DLGAP2: variants seen among roughly 807,000 people sequenced by gnomAD.
DLGAP2 encodes the protein disks large-associated protein 2.
DLGAP2 carries 26 observed loss-of-function variants against 100.3 expected under a neutral mutation model. The ratio of observed to expected loss-of-function variants is 0.26; its 90% CI spans 0.19 to 0.36. The LOEUF (loss-of-function observed/expected upper bound fraction) is 0.36, where lower values mean the gene tolerates loss of function less well. Among genes scored for constraint, DLGAP2 ranks in the 10% least tolerant of loss-of-function variants. DLGAP2 has a pLI of 1.00. For missense variants in DLGAP2, 1,858 were observed against 1,453.2 expected (o/e 1.28, Z -4.53); for synonymous variants, 886 against 630.1 (o/e 1.41, Z -6.08).
At chr8:1,200,145 A>G (rs1319291845) in intron 2 of DLGAP2, among the ~76,000 whole-genome samples, 3 of 152,046 alleles carry the variant, frequency 2.0e-5, no homozygotes, top group Non-Finnish European at 2.9e-5. Context: ...GCACAGGCCC[A>G]CAGGAGAGGC....
intron 6 of DLGAP2, among the ~76,000 whole-genome samples, chr8:1,583,949 C>A (rs1796032445): frequency 6.6e-6 from 1 of 152,086 alleles, no homozygotes; most frequent in Admixed American, 6.5e-5. Flanking sequence ...TGCCGGTCAT[C>A]CTTCCATGCC....
chr8:1,360,850 CGG>C (rs1344755924), intron 3 of DLGAP2, among the ~76,000 whole-genome samples: 13 of 152,220 alleles, frequency 8.5e-5, no homozygotes, highest in African/African-American at 3.1e-4. Flanking sequence ...CTGCACACGA[CGG>C]TGAGATCCAG....
intron 2 of DLGAP2, among the ~76,000 whole-genome samples, chr8:1,112,797 A>T (rs1267370393): frequency 6.6e-6 from 1 of 152,104 alleles, no homozygotes; most frequent in Non-Finnish European, 1.5e-5. Context: ...ATTCAGGATG[A>T]TATTGCCTAG....
intron 2 of DLGAP2, among the ~76,000 whole-genome samples, chr8:1,166,376 G>A (rs962642223): frequency 2.0e-5 from 3 of 152,154 alleles, no homozygotes; most frequent in African/African-American, 7.2e-5. Context: ...TAACCAGGTT[G>A]ATCATTTAAT....
At chr8:856,109 C>T (rs1797270875) in intron 1 of DLGAP2, among the ~76,000 whole-genome samples, 1 of 151,226 alleles carries the variant, frequency 6.6e-6, no homozygotes, top group South Asian at 2.1e-4. Flanking sequence ...AATAAAAATG[C>T]ATTTGTCAAC....
At chr8:1,573,962 G>C (rs775705013) in intron 6 of DLGAP2, among the ~76,000 whole-genome samples, 2 of 152,132 alleles carry the variant, frequency 1.3e-5, no homozygotes, top group Non-Finnish European at 2.9e-5. Flanking sequence ...AAAGTGAGGT[G>C]CTCTCTAAAT....
intron 1 of DLGAP2, among the ~76,000 whole-genome samples, chr8:862,120 G>A (rs751034498): frequency 6.6e-6 from 1 of 152,020 alleles, no homozygotes; most frequent in Non-Finnish European, 1.5e-5. Flanking sequence ...TTTATGGTGG[G>A]GTCTCTTTTG....
At chr8:1,497,399 GA>G (rs1214883986) in intron 3 of DLGAP2, among the ~76,000 whole-genome samples, 1 of 152,206 alleles carries the variant, frequency 6.6e-6, no homozygotes, top group East Asian at 1.9e-4. Context: ...CGTGATTTCA[GA>G]ACGTCTCAGA....
At chr8:1,311,169 G>T (rs1800605527) in intron 3 of DLGAP2, among the ~76,000 whole-genome samples, 1 of 152,060 alleles carries the variant, frequency 6.6e-6, no homozygotes, top group African/African-American at 2.4e-5. Context: ...CAATAAACTA[G>T]TTAACCCGGA....
intron 6 of DLGAP2, among the ~76,000 whole-genome samples, chr8:1,589,436 C>A (rs951562369): frequency 6.6e-6 from 1 of 152,218 alleles, no homozygotes; most frequent in African/African-American, 2.4e-5. Context: ...CATTTTGTGT[C>A]TCCAAGGTAA....
Position 1,646,057 on chromosome 8 carries a change from G to C in DLGAP2, c.1810+13011G>C, listed in dbSNP as rs376848776. On this transcript the variant is annotated intron_variant, in intron 8 of 14. Coordinates refer to ENST00000637795, the MANE Select transcript of DLGAP2 (RefSeq NM_001346810.2). ...TGTGGCAACTTGACTGGGCCATGGA[G>C]TGCCCAGATATCTGGTTAAACATTA... Among the ~76,000 whole-genome samples the C allele has an allele frequency of 4.1e-4, 63 of 152,330 alleles. 1 individual carries two copies. The South Asian group carries it at 0.012, about 30-fold the overall frequency.
chr8:1,272,284 G>A (rs1277443171), intron 3 of DLGAP2, among the ~76,000 whole-genome samples: 1 of 152,182 alleles, frequency 6.6e-6, no homozygotes, highest in African/African-American at 2.4e-5. Flanking sequence ...CATTTTATGT[G>A]AGTGAATGTA....
In DLGAP2 at chr8:748,880, T is replaced by A. The variant is rs541817125; in HGVS notation, c.18+11055T>A. On this transcript the variant is annotated intron_variant, in intron 1 of 14. Transcript: ENST00000637795. Reference sequence around the variant, plus strand: ...TTCGTTGGCTGCCAGATCTTTGCTTTCTGACAACTTTTATTATATTTGTTA... The same window carrying A: ...TTCGTTGGCTGCCAGATCTTTGCTTACTGACAACTTTTATTATATTTGTTA... 3.6e-4 allele frequency among the ~76,000 whole-genome samples: 55 copies of A among 152,382 alleles called. 1 individual carries two copies. The South Asian group carries it at 0.011, about 29-fold the overall frequency.
intron 2 of DLGAP2, among the ~76,000 whole-genome samples, chr8:1,034,641 C>T (rs77220661): frequency 3.3e-5 from 1 of 30,640 alleles, no homozygotes; most frequent in African/African-American, 1.6e-4. Context: ...CGCGAGTGGA[C>T]TCACACGCTC....
At chr8:1,625,392 C>G (rs1324280323) in intron 6 of DLGAP2, among the ~76,000 whole-genome samples, 1 of 152,204 alleles carries the variant, frequency 6.6e-6, no homozygotes, top group Non-Finnish European at 1.5e-5. Flanking sequence ...GCCAAACACT[C>G]ACAGGGTTCT....
intron 6 of DLGAP2, chr8:1,621,693 G>A (rs1229630906): frequency 2.0e-5 from 3 of 152,462 alleles, no homozygotes; most frequent in Non-Finnish European, 4.4e-5. Context: ...CAGGAGGGCA[G>A]CCAAGCAAGG....
intron 2 of DLGAP2, among the ~76,000 whole-genome samples, chr8:976,670 A>G (rs1800172553): frequency 6.6e-6 from 1 of 152,204 alleles, no homozygotes; most frequent in Admixed American, 6.5e-5. Flanking sequence ...ATCTTTGACA[A>G]AGGAGCAATT....
intron 3 of DLGAP2, among the ~76,000 whole-genome samples, chr8:1,278,616 TATTGCAG>T (rs1799754385): frequency 6.6e-6 from 1 of 152,214 alleles, no homozygotes; most frequent in Non-Finnish European, 1.5e-5. Context: ...GCCAAGGACA[TATTGCAG>T]AAAAGAGATC....
At chr8:997,933 T>G (rs535131892) in intron 2 of DLGAP2, among the ~76,000 whole-genome samples, 1 of 151,642 alleles carries the variant, frequency 6.6e-6, no homozygotes, top group Admixed American at 6.6e-5. Flanking sequence ...CACACACCCA[T>G]GCATACAGAC....
Sources: gnomAD v4.1 joint callset for allele counts (sites outside exome capture counted in the v4.1 genomes callset) on GRCh38, gnomAD v4.1.1 for gene constraint, MANE v1.5 for transcripts, NCBI Gene and HGNC (gene_info 2026-07-23, HGNC 2026-07-21) for gene names.